YIPF7: variants seen among roughly 807,000 people sequenced by gnomAD.
YIPF7 encodes the protein protein YIPF7.
In YIPF7, 35 loss-of-function variants were observed where a neutral mutation model predicts 27.2. The ratio of observed to expected loss-of-function variants is 1.29; its 90% CI spans 0.98 to 1.70. YIPF7 has a LOEUF of 1.70. YIPF7 is among the 40% of genes most tolerant of loss of function. The pLI, the probability that YIPF7 is intolerant of heterozygous loss-of-function variation, is 0.00. For missense variants in YIPF7, 358 were observed against 303.7 expected (o/e 1.18, Z -1.33); for synonymous variants, 137 against 110.4 (o/e 1.24, Z -1.51).
chr4:44,629,616 C>T, intron 3 of YIPF7, 68 bp from the exon 4 acceptor site: 6 of 1,191,374 alleles, frequency 5.0e-6, no homozygotes, highest in South Asian at 3.9e-5. Context: ...AAGTTACACT[C>T]TTTAAAGGTT....
intron 1 of YIPF7, among the ~76,000 whole-genome samples, chr4:44,661,067 G>T (rs1262251599): frequency 6.6e-6 from 1 of 152,182 alleles, no homozygotes; most frequent in Non-Finnish European, 1.5e-5. Context: ...GTGGAATTTA[G>T]AGGAAATTTA....
chr4:44,636,993 C>T (rs983498151), intron 2 of YIPF7, among the ~76,000 whole-genome samples: 3 of 152,158 alleles, frequency 2.0e-5, no homozygotes, highest in Non-Finnish European at 2.9e-5. Context: ...TGAGTAAAAA[C>T]ATGTGATATT....
chr4:44,647,111 C>G (rs1713554976), intron 2 of YIPF7, among the ~76,000 whole-genome samples: 1 of 152,126 alleles, frequency 6.6e-6, no homozygotes, highest in Non-Finnish European at 1.5e-5. Context: ...AATGTTGCTG[C>G]ATCCAAATCA....
chr4:44,642,297 T>A (rs1392264395), intron 2 of YIPF7, among the ~76,000 whole-genome samples: 1 of 152,174 alleles, frequency 6.6e-6, no homozygotes, highest in East Asian at 1.9e-4. Flanking sequence ...GTTATAATAC[T>A]AAAATTCCTC....
chr4:44,639,668 G>C (rs1030957223), intron 2 of YIPF7, among the ~76,000 whole-genome samples: 1 of 151,946 alleles, frequency 6.6e-6, no homozygotes, highest in Non-Finnish European at 1.5e-5. Context: ...TACCAATTTG[G>C]ATGGCTTTTA....
At chr4:44,660,127 A>AAAAAAAAAAAC in intron 2 of YIPF7, among the ~76,000 whole-genome samples, 1 of 146,684 alleles carries the variant, frequency 6.8e-6, no homozygotes, top group Non-Finnish European at 1.5e-5. Flanking sequence ...AAAAAAAAAA[A>AAAAAAAAAAAC]AAAAAAAAAC....
At chr4:44,645,214 G>A (rs566830760) in intron 2 of YIPF7, among the ~76,000 whole-genome samples, 5 of 152,054 alleles carry the variant, frequency 3.3e-5, no homozygotes, top group Non-Finnish European at 7.4e-5. Context: ...AAATTTATAT[G>A]AACAACTTTA....
intron 3 of YIPF7, among the ~76,000 whole-genome samples, chr4:44,634,633 A>G (rs1327873321): frequency 6.6e-6 from 1 of 152,254 alleles, no homozygotes; most frequent in South Asian, 2.1e-4. Flanking sequence ...ATTTTACTTT[A>G]AAGTATGCAT....
chr4:44,624,052 C>T (rs1443561499), intron 5 of YIPF7, among the ~76,000 whole-genome samples: 2 of 145,178 alleles, frequency 1.4e-5, no homozygotes, highest in South Asian at 2.1e-4. Flanking sequence ...GTTTTTTTTT[C>T]TCTCTCTCTT....
chr4:44,634,331 G>A (rs373872164), intron 3 of YIPF7, among the ~76,000 whole-genome samples: 1 of 152,122 alleles, frequency 6.6e-6, no homozygotes, highest in Admixed American at 6.5e-5. Context: ...TCAGGAGGTC[G>A]AGACTAGCCT....
chr4:44,624,306 C>T (rs1402895143), intron 5 of YIPF7, among the ~76,000 whole-genome samples: 2 of 151,968 alleles, frequency 1.3e-5, no homozygotes, highest in Non-Finnish European at 2.9e-5. Flanking sequence ...TCAGGTGATT[C>T]GCCCACCTCG....
At chr4:44,624,315 C>T (rs1454970958) in intron 5 of YIPF7, among the ~76,000 whole-genome samples, 2 of 151,992 alleles carry the variant, frequency 1.3e-5, no homozygotes, top group South Asian at 4.1e-4. Context: ...TCGCCCACCT[C>T]GGCCTCCCAA....
chr4:44,625,649 T>G (rs1466869950), intron 4 of YIPF7, among the ~76,000 whole-genome samples: 1 of 152,168 alleles, frequency 6.6e-6, no homozygotes, highest in Non-Finnish European at 1.5e-5. Flanking sequence ...ACCAATCTTC[T>G]GAGGAAAACT....
intron 2 of YIPF7, among the ~76,000 whole-genome samples, chr4:44,657,051 C>A (rs1275685967): frequency 3.3e-5 from 5 of 152,032 alleles, no homozygotes; most frequent in African/African-American, 4.8e-5. Context: ...ATGGCCTATG[C>A]AATTGCACCA....
intron 2 of YIPF7, among the ~76,000 whole-genome samples, chr4:44,657,368 G>A (rs1424149722): frequency 6.6e-6 from 1 of 152,184 alleles, no homozygotes; most frequent in Non-Finnish European, 1.5e-5. Context: ...ACAAATCTGA[G>A]CTAGGGATAG....
chr4:44,655,702 T>G (rs1035175466), upstream of YIPF7, among the ~76,000 whole-genome samples: 2 of 152,060 alleles, frequency 1.3e-5, no homozygotes, highest in African/African-American at 4.8e-5. Flanking sequence ...ATAGAACGCA[T>G]TGTTTTCCGT....
chr4:44,650,433 G>A (rs1713688113), intron 1 of YIPF7, among the ~76,000 whole-genome samples: 1 of 151,444 alleles, frequency 6.6e-6, no homozygotes, highest in African/African-American at 2.4e-5. Context: ...TTAAAACTTA[G>A]GACACATCTA....
chr4:44,639,793 A>G (rs1393846017), intron 2 of YIPF7, among the ~76,000 whole-genome samples: 1 of 152,116 alleles, frequency 6.6e-6, no homozygotes, highest in Non-Finnish European at 1.5e-5. Flanking sequence ...AAATGCTTTC[A>G]ACTTTTCACA....
At chr4:44,636,753 C>T (rs1248421622) in intron 2 of YIPF7, among the ~76,000 whole-genome samples, 7 of 151,946 alleles carry the variant, frequency 4.6e-5, no homozygotes, top group Non-Finnish European at 1.0e-4. Context: ...GCTTTAGTGT[C>T]TCTTTATTTT....
Sources: allele counts gnomAD v4.1 joint callset (sites outside exome capture counted in the v4.1 genomes callset), GRCh38; gene constraint gnomAD v4.1.1; transcripts MANE v1.5; gene names NCBI Gene and HGNC (gene_info 2026-07-23, HGNC 2026-07-21).